Variants in SMYD3 observed in about 807,000 individuals in gnomAD.
The protein encoded by SMYD3 is SET and MYND domain containing 3, also known as histone-lysine N-methyltransferase SMYD3.
In SMYD3, 36 loss-of-function variants were observed where a neutral mutation model predicts 57.7. The ratio of observed to expected loss-of-function variants is 0.62; its 90% CI spans 0.48 to 0.82. The LOEUF is 0.82. Among genes scored for constraint, SMYD3 ranks in the 40% least tolerant of loss-of-function variants. The pLI is 0.00. For synonymous variants in SMYD3, 211 were observed against 195.0 expected, an observed-to-expected ratio of 1.08 and a Z score of -0.68; for missense variants, 515 against 538.8, an observed-to-expected ratio of 0.96 and a Z score of 0.44.
chr1:246,193,442 C>A (rs927387315), intron 5 of SMYD3, among the ~76,000 whole-genome samples: 1 of 152,302 alleles, frequency 6.6e-6, no homozygotes, highest in African/African-American at 2.4e-5. Flanking sequence ...TTTGTATGAT[C>A]TTTTACGTAC....
chr1:246,314,152 G>A (rs2148638350), intron 5 of SMYD3, among the ~76,000 whole-genome samples: 1 of 152,288 alleles, frequency 6.6e-6, no homozygotes, highest in East Asian at 1.9e-4. Context: ...AAGGCATGAT[G>A]TACCACCTGG....
intron 5 of SMYD3, among the ~76,000 whole-genome samples, chr1:246,036,875 T>G (rs1389268989): frequency 6.6e-6 from 1 of 152,102 alleles, no homozygotes; most frequent in Non-Finnish European, 1.5e-5. Context: ...TTTATTTTAT[T>G]ATCATCATTT....
chr1:245,871,917 A>G (rs144283328), intron 8 of SMYD3, among the ~76,000 whole-genome samples: 36 of 152,324 alleles, frequency 2.4e-4, no homozygotes, highest in Middle Eastern at 6.8e-3. Flanking sequence ...GAGGGAGCAC[A>G]TTACAATGTA....
At chr1:245,822,383 T>A (rs1337225136) in intron 10 of SMYD3, among the ~76,000 whole-genome samples, 2 of 119,944 alleles carry the variant, frequency 1.7e-5, no homozygotes, top group Non-Finnish European at 3.3e-5. Context: ...AACATCACAC[T>A]CTGGGGACTG....
intron 5 of SMYD3, among the ~76,000 whole-genome samples, chr1:245,968,060 G>C (rs2058200292): frequency 6.6e-6 from 1 of 152,098 alleles, no homozygotes. Flanking sequence ...TTCCCTGAAC[G>C]AAATACATGA....
At chr1:246,330,665 C>A in intron 3 of SMYD3, 128 bp from the exon 4 acceptor site, 1 of 612,388 alleles carries the variant, frequency 1.6e-6, no homozygotes, top group Non-Finnish European at 2.6e-6. Flanking sequence ...TATATTCTTT[C>A]TATTCATCAC....
intron 3 of SMYD3, among the ~76,000 whole-genome samples, chr1:246,335,164 T>C (rs1181374525): frequency 6.6e-6 from 1 of 152,216 alleles, no homozygotes. Flanking sequence ...ACTGAACACT[T>C]AATAGACTAC....
At chr1:246,443,204 G>A (rs2067497745) in intron 1 of SMYD3, among the ~76,000 whole-genome samples, 2 of 152,148 alleles carry the variant, frequency 1.3e-5, no homozygotes. Flanking sequence ...GTTTCACCAA[G>A]GAGTAAGATT....
At chr1:246,125,915 A>G (rs996949750) in intron 5 of SMYD3, among the ~76,000 whole-genome samples, 1 of 152,152 alleles carries the variant, frequency 6.6e-6, no homozygotes, top group African/African-American at 2.4e-5. Context: ...AGTGGCAACT[A>G]CCTATCCACT....
chr1:245,798,684 C>T (rs999269933), intron 10 of SMYD3, among the ~76,000 whole-genome samples: 4 of 152,094 alleles, frequency 2.6e-5, no homozygotes, highest in South Asian at 2.1e-4. Context: ...GCTACCCCTC[C>T]GCTACCACTG....
intron 5 of SMYD3, among the ~76,000 whole-genome samples, chr1:246,023,398 A>C (rs2059508614): frequency 6.6e-6 from 1 of 152,254 alleles, no homozygotes; most frequent in Non-Finnish European, 1.5e-5. Flanking sequence ...ACTAGATTAG[A>C]GAATTCAAAG....
intron 1 of SMYD3, among the ~76,000 whole-genome samples, chr1:246,392,129 T>A (rs2066582864): frequency 6.6e-6 from 1 of 152,140 alleles, no homozygotes; most frequent in Admixed American, 6.6e-5. Flanking sequence ...GTTTGCAGCA[T>A]CAGGTTCTAT....
chr1:245,985,037 C>T (rs2058675123), intron 5 of SMYD3, among the ~76,000 whole-genome samples: 1 of 152,108 alleles, frequency 6.6e-6, no homozygotes, highest in Non-Finnish European at 1.5e-5. Context: ...CTCTGCCTTA[C>T]CTACCATCGC....
At position 246,414,717 on chromosome 1, in the gene SMYD3, G is replaced by GTTTTT. The variant is rs1311609589; in HGVS notation, c.165-59628_165-59624dup. On this transcript the variant is annotated intron_variant, in intron 1 of 11. Transcript: ENST00000490107. ...GAAGCCAGTTTTGGTTTTTTTGCTG[G>GTTTTT]TTTTTTTTTTTTTTTTTTGAGATAG... Among the ~76,000 whole-genome samples the GTTTTT allele has an allele frequency of 1.0e-3, 127 of 123,334 alleles. 7 individuals carry two copies. Among genetic ancestry groups the GTTTTT allele is most frequent in the African/African-American group, 2.8e-3 (91 of 32,486 alleles). The allele number at this position is 123,334 out of a possible 152,430, so 80.9% of individuals were successfully genotyped here.
At chr1:246,034,109 G>A (rs2059728166) in intron 5 of SMYD3, among the ~76,000 whole-genome samples, 1 of 152,146 alleles carries the variant, frequency 6.6e-6, no homozygotes, top group Admixed American at 6.6e-5. Flanking sequence ...GGCAATAACA[G>A]AAGCTCATTA....
At chr1:246,451,762 C>T (rs866982762) in intron 1 of SMYD3, among the ~76,000 whole-genome samples, 9 of 152,194 alleles carry the variant, frequency 5.9e-5, no homozygotes, top group East Asian at 5.8e-4. Flanking sequence ...CTCTGTGCTA[C>T]GCACTCAATT....
chr1:246,366,717 C>T (rs1022502662), intron 1 of SMYD3, among the ~76,000 whole-genome samples: 1 of 151,796 alleles, frequency 6.6e-6, no homozygotes, highest in Non-Finnish European at 1.5e-5. Context: ...GGGCGGATCA[C>T]GAGGTCAGGA....
chr1:246,219,529 C>T lies in SMYD3; in HGVS notation c.531+107672G>A, dbSNP rs574598797. Among the ~76,000 whole-genome samples, 84 of 152,240 alleles carry T rather than the reference C, an allele frequency of 5.5e-4. 1 individual carries two copies. The highest frequency in any genetic ancestry group is 2.0e-3 in the African/African-American group (81 of 41,506). On this transcript the variant is annotated intron_variant, in intron 5 of 11. Coordinates refer to ENST00000490107, the MANE Select transcript of SMYD3 (RefSeq NM_001167740.2). ...ATTCATTCGTGTGACTTCATTTCTC[C>T]CAGATGCCAGACAAGATTCTGGAGC...
At chr1:245,757,547 T>C (rs1450280887) in intron 11 of SMYD3, among the ~76,000 whole-genome samples, 1 of 152,158 alleles carries the variant, frequency 6.6e-6, no homozygotes, top group Non-Finnish European at 1.5e-5. Context: ...TCTAAGAGTC[T>C]AGTAGAAGCT....
Sources: allele counts gnomAD v4.1 joint callset (sites outside exome capture counted in the v4.1 genomes callset), GRCh38; gene constraint gnomAD v4.1.1; transcripts MANE v1.5; gene names NCBI Gene and HGNC (gene_info 2026-07-23, HGNC 2026-07-21).